Variants in USP6 observed in about 807,000 individuals in gnomAD.
The protein encoded by USP6 is ubiquitin specific peptidase 6.
A neutral mutation model predicts 175.7 loss-of-function variants in USP6; 128 were observed. That is an observed-to-expected ratio of 0.73 (90% CI 0.63 to 0.84). The LOEUF is 0.84. USP6 is among the 40% of genes least tolerant of loss of function. The pLI, the probability that USP6 is intolerant of heterozygous loss-of-function variation, is 0.00. For missense variants in USP6, 1,498 were observed against 1,760.3 expected (o/e 0.85, Z 2.67); for synonymous variants, 562 against 630.6 (o/e 0.89, Z 1.63).
chr17:5,126,020 C>T (rs2072883929), intron 6 of USP6, 82 bp downstream of exon 6: 1 of 152,240 alleles, frequency 6.6e-6, no homozygotes, highest in South Asian at 2.1e-4. Context: ...GGTGATCCGC[C>T]CGCCTCAGCC....
At chr17:5,161,505 C>T (rs752573350) in intron 31 of USP6, 23 bp from the exon 32 acceptor site, 4 of 1,611,544 alleles carry the variant, frequency 2.5e-6, no homozygotes, top group Non-Finnish European at 3.4e-6. Flanking sequence ...TTCTTACACT[C>T]TTTTTGTTCT....
In USP6 at chr17:5,141,488, A is replaced by G. The variant is rs758432437; in HGVS notation, c.1562A>G (p.Asp521Gly). The change falls in exon 23 of 38, where the codon GAT becomes GGT. Residue 521 changes from aspartate (D) to glycine (G), a missense_variant. By Grantham distance (94) the Asp-to-Gly change is moderately conservative. Coordinates refer to ENST00000574788, the MANE Select transcript of USP6 (RefSeq NM_001304284.2). ...TTTACAGCAAATAGTAGTAAAATAG[A>G]TAGACAAAAGGGTAAGTCTCCAGTA... ...MSFTANSSKI[D>G]RQKVPTEKGA... 2.5e-6 allele frequency: 4 copies of G among 1,602,060 alleles called. No individual in the cohort carries two copies. The highest frequency in any genetic ancestry group is 3.4e-6 in the Non-Finnish European group (4 of 1,175,750).
rs1296390934 is a variant in USP6, at chr17:5,116,127, T to TC, written c.-2537dup. Among the ~76,000 whole-genome samples, 5 of 152,142 alleles carry TC rather than the reference T, an allele frequency of 3.3e-5. No individual in the cohort carries two copies. The highest frequency in any genetic ancestry group is 7.4e-5 in the Non-Finnish European group (5 of 68,004). On this transcript the variant is annotated 5_prime_UTR_variant, in exon 1 of 38. An upstream open reading frame in the 5' UTR loses its in-frame stop. Coordinates refer to ENST00000574788, the MANE Select transcript of USP6 (RefSeq NM_001304284.2). ...CTCGTCTCCAGGCGCCCATCAGTCT[T>TC]CCCCTCACTCGACGCTACCTTGGCG...
intron 27 of USP6, 47 bp downstream of exon 27, chr17:5,145,626 T>C (rs1464143782): frequency 6.6e-7 from 1 of 1,520,606 alleles, no homozygotes; most frequent in Admixed American, 2.2e-5. Context: ...TTAAATTTAC[T>C]TTATTTAAAT....
At chr17:5,159,712 C>T (rs1184010310) in intron 31 of USP6, among the ~76,000 whole-genome samples, 2 of 152,096 alleles carry the variant, frequency 1.3e-5, no homozygotes, top group African/African-American at 4.8e-5. Flanking sequence ...CCTGTAATCC[C>T]AGCACTTTAG....
At chr17:5,155,885 C>G (rs1353155125) in intron 31 of USP6, among the ~76,000 whole-genome samples, 8 of 152,166 alleles carry the variant, frequency 5.3e-5, no homozygotes, top group Non-Finnish European at 8.8e-5. Flanking sequence ...AATAATCCTT[C>G]CATTCTCTAA....
Position 5,173,178 on chromosome 17 carries a change from A to G in USP6, c.*200A>G. On this transcript the variant is annotated 3_prime_UTR_variant, in exon 38 of 38. Transcript: ENST00000574788. ...TCTCATACAAGCTGTCTGATAGAGA[A>G]CTTTCAGGCAGATCCCACCATTAGC... 1 of 693,212 alleles carries G rather than the reference A, an allele frequency of 1.4e-6. No homozygotes were observed. Among genetic ancestry groups the G allele is most frequent in the Non-Finnish European group, 2.3e-6 (1 of 441,724 alleles). 42.9% of individuals were successfully genotyped at this position (693,212 alleles called of 1,614,324 possible). A position where few individuals can be genotyped will look rare whatever the true frequency, so the allele number is the denominator to read the frequency against.
intron 30 of USP6, among the ~76,000 whole-genome samples, chr17:5,150,036 G>A (rs34309241): frequency 0.081 from 12,274 of 152,178 alleles, 630 homozygotes; most frequent in Middle Eastern, 0.16. Context: ...GCTCATGCCT[G>A]TAATCCCAGC....
At chr17:5,147,415 C>T (rs2073643500) in intron 29 of USP6, among the ~76,000 whole-genome samples, 1 of 152,068 alleles carries the variant, frequency 6.6e-6, no homozygotes, top group South Asian at 2.1e-4. Context: ...GCTAATATAC[C>T]CTTGGAATTC....
rs763235727 is a variant in USP6 at position 5,133,929 on chromosome 17, C to T, written c.427C>T (p.His143Tyr). ...RGKRSSEHIHHIDLDVRTTLR... is the reference protein window; with the variant it reads ...RGKRSSEHIHYIDLDVRTTLR... Reference sequence around the variant, plus strand: ...CAAGAGGTCATCTGAACACATCCACCACATCGACCTGGACGTGAGGACGAC... The same window carrying T: ...CAAGAGGTCATCTGAACACATCCACTACATCGACCTGGACGTGAGGACGAC... The change falls in exon 15 of 38, where the codon CAC becomes TAC. Residue 143 changes from histidine (H) to tyrosine (Y), a missense_variant. Physicochemically the swap from His to Tyr is moderately conservative, Grantham distance 83. Transcript: ENST00000574788. 4.9e-5 allele frequency: 79 copies of T among 1,614,032 alleles called. No homozygotes were observed. The highest frequency in any genetic ancestry group is 6.7e-5 in the Non-Finnish European group (79 of 1,180,024).
chr17:5,153,876 G>A (rs547037940), intron 30 of USP6, among the ~76,000 whole-genome samples: 2 of 152,042 alleles, frequency 1.3e-5, no homozygotes, highest in South Asian at 2.1e-4. Flanking sequence ...GGCTGGTCTC[G>A]CACTCCTGAC....
Position 5,142,379 on chromosome 17 carries a change from T to A in USP6, c.1713-18T>A. 6.2e-7 allele frequency: 1 copy of A among 1,600,404 alleles called. No homozygotes were observed. The highest frequency in any genetic ancestry group is 8.5e-7 in the Non-Finnish European group (1 of 1,170,932). ...TTATGAGAATCTTTGGCAACAAATT[T>A]TCCTCTCAAACTTCTAGGACAAATC... On this transcript the variant is annotated intron_variant, in intron 24 of 37. Coordinates refer to ENST00000574788, the MANE Select transcript of USP6 (RefSeq NM_001304284.2).
chr17:5,154,488 C>T (rs2073839057), intron 30 of USP6, among the ~76,000 whole-genome samples: 1 of 152,186 alleles, frequency 6.6e-6, no homozygotes, highest in African/African-American at 2.4e-5. Flanking sequence ...GTCTCTTTAA[C>T]ATACTCAAAG....
At chr17:5,117,153 T>TC (rs1221546912) in intron 1 of USP6, among the ~76,000 whole-genome samples, 1 of 152,212 alleles carries the variant, frequency 6.6e-6, no homozygotes, top group African/African-American at 2.4e-5. Flanking sequence ...CAATTATAAG[T>TC]TCCATCAGGC....
Position 5,135,296 on chromosome 17 carries a change from G to A in USP6, c.543+14G>A, listed in dbSNP as rs748352816. On this transcript the variant is annotated intron_variant, in intron 16 of 37. Transcript: ENST00000574788. ...GAGTATAACCCGGTGAGTATTCCCGGCAGTGAGGTTCCCAGGCTGTATTTC... is the reference window on the plus strand; with the variant it reads ...GAGTATAACCCGGTGAGTATTCCCGACAGTGAGGTTCCCAGGCTGTATTTC... 36 of 1,612,078 alleles carry A rather than the reference G, an allele frequency of 2.2e-5. No homozygotes were observed. Among genetic ancestry groups the A allele is most frequent in the Non-Finnish European group, 2.7e-5 (32 of 1,178,664 alleles).
In USP6 at chr17:5,132,852, A is replaced by T; in HGVS notation, c.196-58A>T. ...CTCCAGAGCCCAAGACTCAGCATCC[A>T]TGGGCGGCTCTGGGAAGCCTGGCAG... On this transcript the variant is annotated intron_variant, in intron 12 of 37. Coordinates refer to ENST00000574788, the MANE Select transcript of USP6 (RefSeq NM_001304284.2). The surrounding 1 kb of genome is among the most constrained non-coding windows in gnomAD (Gnocchi z 4.7). The T allele has an allele frequency of 6.3e-7, 1 of 1,591,972 alleles. No individual in the cohort carries two copies. The highest frequency in any genetic ancestry group is 1.7e-4 in the Middle Eastern group (1 of 5,972).
rs2307136 is a variant in USP6, at chr17:5,170,612, G to A, written c.3651G>A (p.Lys1217=). 5 of 1,613,302 alleles carry A rather than the reference G, an allele frequency of 3.1e-6. No homozygotes were observed. The highest frequency in any genetic ancestry group is 1.3e-5 in the African/African-American group (1 of 74,912). ...TGCCCCAGATTGGCAGCAAAAATAA[G>A]CCGTCAAGTAGTAAGAAGAACTTGG... is the stretch of plus-strand genomic sequence containing the variant. ...LRLPQIGSKN[K]PSSSKKNLDA... is the part of the protein sequence containing the mutation. The change falls in exon 36 of 38, where the codon AAG becomes AAA. Residue 1217 remains lysine (K), a synonymous_variant. Coordinates refer to ENST00000574788, the MANE Select transcript of USP6 (RefSeq NM_001304284.2).
Position 5,129,998 on chromosome 17 carries a change from G to T in USP6, c.-93G>T. 1 of 288,526 alleles carries T rather than the reference G, an allele frequency of 3.5e-6. No homozygotes were observed. The highest frequency in any genetic ancestry group is 3.9e-5 in the South Asian group (1 of 25,320). The allele number at this position is 288,526 out of a possible 1,614,324, so 17.9% of individuals were successfully genotyped here. A position where few individuals can be genotyped will look rare whatever the true frequency, so the allele number is the denominator to read the frequency against. Reference sequence around the variant, plus strand: ...GGCCGATCGTACAGAGACCTCTGGTGCCTGACCGCAGTTCACATCCACATC... The same window carrying T: ...GGCCGATCGTACAGAGACCTCTGGTTCCTGACCGCAGTTCACATCCACATC... On this transcript the variant is annotated 5_prime_UTR_variant, in exon 9 of 38. Coordinates refer to ENST00000574788, the MANE Select transcript of USP6 (RefSeq NM_001304284.2).
chr17:5,144,872 G>A lies in USP6; in HGVS notation c.1992+9G>A, dbSNP rs748112220. The A allele has an allele frequency of 6.3e-7, 1 of 1,584,056 alleles. No individual in the cohort carries two copies. The highest frequency in any genetic ancestry group is 1.1e-5 in the South Asian group (1 of 87,740). On this transcript the variant is annotated intron_variant, in intron 26 of 37. Coordinates refer to ENST00000574788, the MANE Select transcript of USP6 (RefSeq NM_001304284.2). ...GGGAAGTAGCTGCAGAGGTTTGTCAGTTTTGAGTTTCTAATGTAAGCAATA... is the reference window on the plus strand; with the variant it reads ...GGGAAGTAGCTGCAGAGGTTTGTCAATTTTGAGTTTCTAATGTAAGCAATA...
Sources: gnomAD v4.1 joint callset for allele counts (sites outside exome capture counted in the v4.1 genomes callset) on GRCh38, gnomAD v4.1.1 for gene constraint, Gnocchi (gnomAD v3.1) non-coding constraint, MANE v1.5 for transcripts, NCBI Gene and HGNC (gene_info 2026-07-23, HGNC 2026-07-21) for gene names.